Variants in EXOC6B observed in about 807,000 individuals in gnomAD.
The protein encoded by EXOC6B is SEC15 homolog B.
In EXOC6B, 54 loss-of-function variants were observed where a neutral mutation model predicts 113.5. The ratio of observed to expected loss-of-function variants is 0.48; its 90% CI spans 0.38 to 0.60. The LOEUF is 0.60. Ranked by LOEUF, EXOC6B falls within the 20% of genes least tolerant of loss-of-function variation. EXOC6B has a pLI of 0.00. For synonymous variants in EXOC6B, 357 were observed against 339.0 expected (o/e 1.05, Z -0.58); for missense variants, 797 against 977.5 (o/e 0.82, Z 2.46).
intron 6 of EXOC6B, among the ~76,000 whole-genome samples, chr2:72,702,185 T>G (rs1299902678): frequency 6.8e-6 from 1 of 147,840 alleles, no homozygotes; most frequent in Admixed American, 6.8e-5. Flanking sequence ...GGTTTTTTGT[T>G]CTTGCAATAG....
chr2:72,745,963 C>T (rs559285562), intron 1 of EXOC6B, among the ~76,000 whole-genome samples: 2 of 152,038 alleles, frequency 1.3e-5, no homozygotes, highest in Non-Finnish European at 2.9e-5. Flanking sequence ...AGAAAGACTG[C>T]CATCTAGTGA....
At chr2:72,458,978 C>A (rs1051463199) in intron 18 of EXOC6B, among the ~76,000 whole-genome samples, 2 of 152,092 alleles carry the variant, frequency 1.3e-5, no homozygotes, top group Non-Finnish European at 2.9e-5. Flanking sequence ...ATACCCCCAG[C>A]ATTATAAAAG....
chr2:72,398,045 T>C (rs1411553783), intron 18 of EXOC6B, among the ~76,000 whole-genome samples: 1 of 152,242 alleles, frequency 6.6e-6, no homozygotes, highest in Non-Finnish European at 1.5e-5. Context: ...CTCAAATATT[T>C]GGTCAAACAT....
chr2:72,518,593 G>A (rs1388687733), intron 8 of EXOC6B, among the ~76,000 whole-genome samples: 2 of 151,818 alleles, frequency 1.3e-5, no homozygotes, highest in Admixed American at 1.3e-4. Context: ...GAATGAGTCA[G>A]AAGAATAAGC....
intron 20 of EXOC6B, among the ~76,000 whole-genome samples, chr2:72,223,929 C>T (rs1330265524): frequency 6.6e-6 from 1 of 152,160 alleles, no homozygotes; most frequent in Non-Finnish European, 1.5e-5. Flanking sequence ...TTTTGGAATA[C>T]AGGCGATTCC....
At chr2:72,388,426 A>T (rs1158780065) in intron 18 of EXOC6B, among the ~76,000 whole-genome samples, 1 of 151,808 alleles carries the variant, frequency 6.6e-6, no homozygotes, top group Non-Finnish European at 1.5e-5. Context: ...ATACAGTTTT[A>T]CTCCTTTTGA....
At chr2:72,181,477 C>T (rs1204623626) in intron 21 of EXOC6B, among the ~76,000 whole-genome samples, 2 of 152,130 alleles carry the variant, frequency 1.3e-5, no homozygotes, top group East Asian at 3.9e-4. Context: ...TTAGATAGTT[C>T]CAAAGAAAGA....
At chr2:72,230,624 A>T (rs1470857820) in intron 20 of EXOC6B, among the ~76,000 whole-genome samples, 2 of 152,190 alleles carry the variant, frequency 1.3e-5, no homozygotes, top group Non-Finnish European at 2.9e-5. Flanking sequence ...TCTTCTTGTT[A>T]GGTACTAAGG....
chr2:72,284,275 C>A (rs1020795382), intron 20 of EXOC6B, among the ~76,000 whole-genome samples: 1 of 151,958 alleles, frequency 6.6e-6, no homozygotes, highest in Admixed American at 6.6e-5. Flanking sequence ...AATCGTATAC[C>A]ATAACTAAGT....
intron 20 of EXOC6B, among the ~76,000 whole-genome samples, chr2:72,224,992 G>GTATATATATATATATATATATATATA (rs1325223051): frequency 9.6e-4 from 114 of 118,162 alleles, no homozygotes; most frequent in African/African-American, 3.1e-3. Flanking sequence ...ATGTGTGTGT[G>GTATATATATATATATATATATATATA]TGTATATATA....
intron 18 of EXOC6B, among the ~76,000 whole-genome samples, chr2:72,427,599 T>A (rs1416520756): frequency 6.6e-6 from 1 of 152,132 alleles, no homozygotes; most frequent in African/African-American, 2.4e-5. Context: ...CAACAAGCAT[T>A]GTGGGGAACA....
chr2:72,529,753 G>C (rs1004535864), intron 8 of EXOC6B, among the ~76,000 whole-genome samples: 5 of 152,144 alleles, frequency 3.3e-5, no homozygotes, highest in African/African-American at 1.2e-4. Flanking sequence ...GTGAGCCACT[G>C]TGCCCAGTCC....
Position 72,765,915 on chromosome 2 carries a change from G to A in EXOC6B, c.114-24446C>T, listed in dbSNP as rs1180715394. 3.3e-5 allele frequency among the ~76,000 whole-genome samples: 5 copies of A among 152,080 alleles called. No homozygotes were observed. In the South Asian group the frequency reaches 8.3e-4, roughly 25 times the overall value. On this transcript the variant is annotated intron_variant, in intron 1 of 21. Transcript: ENST00000272427. ...GCTTTTGACAGTTTTAGAGAATCCC[G>A]GTACCTTAAATTAGAGGCATAAGAG...
intron 6 of EXOC6B, among the ~76,000 whole-genome samples, chr2:72,619,421 A>C (rs1369102112): frequency 6.6e-6 from 1 of 152,182 alleles, no homozygotes; most frequent in Non-Finnish European, 1.5e-5. Context: ...ATGGAAAAAG[A>C]GAAAAAAATT....
intron 1 of EXOC6B, among the ~76,000 whole-genome samples, chr2:72,819,050 C>T (rs151052682): frequency 6.6e-6 from 1 of 152,294 alleles, no homozygotes; most frequent in Non-Finnish European, 1.5e-5. Flanking sequence ...TATATTGCTG[C>T]CTGCTGTACC....
chr2:72,608,608 CT>C (rs1301617807), intron 6 of EXOC6B, among the ~76,000 whole-genome samples: 1 of 152,054 alleles, frequency 6.6e-6, no homozygotes, highest in Non-Finnish European at 1.5e-5. Context: ...TTTAGGGCTA[CT>C]TTCCATTCAT....
intron 17 of EXOC6B, among the ~76,000 whole-genome samples, chr2:72,475,188 G>C (rs1037924236): frequency 6.6e-6 from 1 of 152,162 alleles, no homozygotes; most frequent in Non-Finnish European, 1.5e-5. Flanking sequence ...TGGCACCATT[G>C]TTAGTGAGTC....
chr2:72,457,032 G>A (rs182612231), intron 18 of EXOC6B, among the ~76,000 whole-genome samples: 6 of 151,706 alleles, frequency 4.0e-5, no homozygotes, highest in Admixed American at 4.0e-4. Flanking sequence ...AAAGACCCAG[G>A]GTAGAAAACA....
At chr2:72,584,674 A>G (rs375466564) in intron 6 of EXOC6B, among the ~76,000 whole-genome samples, 1 of 152,238 alleles carries the variant, frequency 6.6e-6, no homozygotes, top group East Asian at 1.9e-4. Context: ...AGACATCTAC[A>G]GAACACTTCA....
Sources: allele counts gnomAD v4.1 joint callset (sites outside exome capture counted in the v4.1 genomes callset), GRCh38; gene constraint gnomAD v4.1.1; transcripts MANE v1.5; gene names NCBI Gene and HGNC (gene_info 2026-07-23, HGNC 2026-07-21).